The following PREP variants were observed in gnomAD, a reference collection of about 807,000 sequenced individuals.
PREP encodes dJ355L5.1 (prolyl endopeptidase).
A neutral mutation model predicts 87.6 loss-of-function variants in PREP; 29 were observed. The ratio of observed to expected loss-of-function variants is 0.33; its 90% CI spans 0.25 to 0.45. The LOEUF (loss-of-function observed/expected upper bound fraction) is 0.45. Among genes scored for constraint, PREP ranks in the 20% least tolerant of loss-of-function variants. PREP has a pLI of 1.00. For missense variants in PREP, 695 were observed against 886.5 expected (o/e 0.78, Z 2.74); for synonymous variants, 337 against 328.6 (o/e 1.03, Z -0.28).
intron 7 of PREP, among the ~76,000 whole-genome samples, chr6:105,337,587 G>A (rs954261499): frequency 2.0e-5 from 3 of 152,054 alleles, no homozygotes; most frequent in East Asian, 1.9e-4. Context: ...TGTCTCAGCC[G>A]ACTCCCAATT....
At chr6:105,373,079 A>T (rs769803678) in intron 5 of PREP, among the ~76,000 whole-genome samples, 16 of 152,218 alleles carry the variant, frequency 1.1e-4, no homozygotes, top group Non-Finnish European at 2.4e-4. Flanking sequence ...CCAAGCCAAG[A>T]TGAACCAACT....
At chr6:105,312,561 AG>A (rs1770778980) in intron 10 of PREP, among the ~76,000 whole-genome samples, 1 of 152,244 alleles carries the variant, frequency 6.6e-6, no homozygotes, top group East Asian at 1.9e-4. Flanking sequence ...CAGCCTGATC[AG>A]AGAAGCCAGC....
In PREP at chr6:105,403,006, C is replaced by A. The variant is rs564845403; in HGVS notation, c.-115G>T. 4.1e-4 allele frequency: 157 copies of A among 383,060 alleles called. No homozygotes were observed. Among genetic ancestry groups the A allele is most frequent in the African/African-American group, 3.1e-3 (147 of 47,206 alleles). The allele number at this position is 383,060 out of a possible 1,614,324, so 23.7% of individuals were successfully genotyped here. A position where few individuals can be genotyped will look rare whatever the true frequency, so the allele number is the denominator to read the frequency against. On this transcript the variant is annotated 5_prime_UTR_variant, in exon 1 of 15. Transcript: ENST00000652536. ...GCGCAGGCAGCTGCGGGGCGGCCGG[C>A]GGCAGCGGGCGGCCGGCTCACGGCC...
intron 10 of PREP, among the ~76,000 whole-genome samples, chr6:105,303,738 A>G (rs1484493851): frequency 1.3e-5 from 2 of 152,220 alleles, no homozygotes; most frequent in African/African-American, 4.8e-5. Flanking sequence ...AAATGTTAAA[A>G]TAACCAAAAC....
chr6:105,309,008 C>A (rs1026260349), intron 10 of PREP, among the ~76,000 whole-genome samples: 1 of 151,890 alleles, frequency 6.6e-6, no homozygotes, highest in Non-Finnish European at 1.5e-5. Context: ...GCAGTCCAGG[C>A]AGAGGGGAGG....
At chr6:105,396,908 G>C (rs1773298557) in intron 2 of PREP, among the ~76,000 whole-genome samples, 1 of 152,032 alleles carries the variant, frequency 6.6e-6, no homozygotes, top group Admixed American at 6.5e-5. Flanking sequence ...AATGGGCTGG[G>C]CGCGATGGTG....
chr6:105,373,601 T>C, intron 4 of PREP, 23 bp from the exon 5 acceptor site: 2 of 1,605,414 alleles, frequency 1.2e-6, no homozygotes, highest in East Asian at 4.5e-5. Context: ...GGAGAAATCA[T>C]CCAGTGACAA....
chr6:105,316,509 C>T (rs537421698), intron 10 of PREP, among the ~76,000 whole-genome samples: 4 of 152,310 alleles, frequency 2.6e-5, no homozygotes, highest in South Asian at 2.1e-4. Flanking sequence ...GAACTGAGCA[C>T]ATGCTGTTGG....
intron 7 of PREP, among the ~76,000 whole-genome samples, chr6:105,347,208 A>C (rs1362216987): frequency 2.6e-5 from 4 of 152,220 alleles, no homozygotes; most frequent in Admixed American, 2.6e-4. Context: ...AGGAAGTCTG[A>C]GCATGGATCT....
intron 8 of PREP, among the ~76,000 whole-genome samples, chr6:105,330,396 G>C (rs888912131): frequency 3.9e-5 from 6 of 152,162 alleles, no homozygotes; most frequent in Admixed American, 1.3e-4. Context: ...AATAGCCAGG[G>C]CTTGATGCCT....
intron 7 of PREP, among the ~76,000 whole-genome samples, chr6:105,345,822 C>A (rs764093741): frequency 6.6e-6 from 1 of 152,152 alleles, no homozygotes. Flanking sequence ...GATAATAATC[C>A]GTGCTCCTCG....
chr6:105,340,256 C>G lies in PREP; in HGVS notation c.824-6751G>C, dbSNP rs183222009. The stretch of plus-strand genomic sequence containing the variant: ...CAATATTCAACATTCTTAAAGAAAA[C>G]AATTTTCAACCCAGAATTTCATATG... On this transcript the variant is annotated intron_variant, in intron 7 of 14. Transcript: ENST00000652536. Among the ~76,000 whole-genome samples the G allele has an allele frequency of 9.1e-3, 1,378 of 152,190 alleles. 17 individuals carry two copies. Among genetic ancestry groups the G allele is most frequent in the Middle Eastern group, 0.034 (10 of 294 alleles).
At chr6:105,310,483 G>GT (rs1397770201) in intron 10 of PREP, among the ~76,000 whole-genome samples, 6 of 152,098 alleles carry the variant, frequency 3.9e-5, no homozygotes, top group African/African-American at 1.4e-4. Context: ...GTCAAATCCA[G>GT]TAACTCCTCT....
chr6:105,348,113 T>C (rs2114677728), intron 7 of PREP, among the ~76,000 whole-genome samples: 1 of 152,322 alleles, frequency 6.6e-6, no homozygotes, highest in Non-Finnish European at 1.5e-5. Context: ...CCTGGTGTCT[T>C]TAATGTTACC....
At chr6:105,393,744 C>T (rs1395224828) in intron 2 of PREP, among the ~76,000 whole-genome samples, 1 of 152,012 alleles carries the variant, frequency 6.6e-6, no homozygotes, top group Non-Finnish European at 1.5e-5. Context: ...TACAAGTCTT[C>T]TCTGATTTTG....
intron 6 of PREP, among the ~76,000 whole-genome samples, chr6:105,363,521 G>A (rs78663258): frequency 0.06 from 9,107 of 152,226 alleles, 277 homozygotes; most frequent in Middle Eastern, 0.11. Context: ...AATGGCAGCT[G>A]TTTCATGTTA....
At chr6:105,300,746 G>C (rs1000041445) in intron 10 of PREP, among the ~76,000 whole-genome samples, 1 of 152,036 alleles carries the variant, frequency 6.6e-6, no homozygotes, top group African/African-American at 2.4e-5. Flanking sequence ...TGATAAAGCA[G>C]TTTAACTCTG....
Position 105,282,502 on chromosome 6 carries a change from A to C in PREP, c.1630T>G (p.Ser544Ala). The change falls in exon 13 of 15, where the codon TCT becomes GCT. Residue 544 changes from serine to alanine, a missense_variant. By Grantham distance (99) the Ser-to-Ala change is moderately conservative. This residue lies in a region of PREP where 35 missense variants were observed against 36.0 expected (regional missense o/e 0.97). Coordinates refer to ENST00000652536, the MANE Select transcript of PREP (RefSeq NM_002726.5). ...CCATTAATAGTCAGCCTCTTGGGAG[A>C]TGTGTAACCTTCCTTGATCAGATAC... ...AEYLIKEGYT[S>A]PKRLTINGGS... The C allele has an allele frequency of 6.2e-7, 1 of 1,614,126 alleles. No individual in the cohort carries two copies. Among genetic ancestry groups the C allele is most frequent in the East Asian group, 2.2e-5 (1 of 44,852 alleles).
At chr6:105,310,412 C>T (rs1429324768) in intron 10 of PREP, among the ~76,000 whole-genome samples, 2 of 152,262 alleles carry the variant, frequency 1.3e-5, no homozygotes, top group South Asian at 2.1e-4. Context: ...CCCTGTTCAG[C>T]CCTCATCAGC....
Sources: gnomAD v4.1 joint callset for allele counts (sites outside exome capture counted in the v4.1 genomes callset) on GRCh38, gnomAD v4.1.1 for gene constraint, gnomAD v4.1.1 regional missense constraint, MANE v1.5 for transcripts, NCBI Gene and HGNC (gene_info 2026-07-23, HGNC 2026-07-21) for gene names.